Variants in HMGXB3 observed in about 807,000 individuals in gnomAD.
The protein encoded by HMGXB3 is HMG domain-containing protein 3.
Under a neutral mutation model 121.5 loss-of-function variants are expected in HMGXB3, and 45 were observed. The observed-to-expected ratio is 0.37, with a 90% CI of 0.29 to 0.47. HMGXB3 has a LOEUF of 0.47. Ranked by LOEUF, HMGXB3 falls within the 20% of genes least tolerant of loss-of-function variation. The probability of loss-of-function intolerance (pLI) is 0.99; values close to 1 mark genes in which losing one functional copy is unlikely to be tolerated. For synonymous variants in HMGXB3, 590 were observed against 624.1 expected (o/e 0.95, Z 0.81); for missense variants, 1,376 against 1,602.2 (o/e 0.86, Z 2.41).
At chr5:150,008,055 TCA>T (rs70973560) in intron 3 of HMGXB3, among the ~76,000 whole-genome samples, 53,814 of 129,486 alleles carry the variant, frequency 0.42, 10,063 homozygotes, top group South Asian at 0.48. Context: ...AGACTCTGTT[TCA>T]CACACACACA....
rs542460897 is a variant in HMGXB3 at position 150,040,764 on chromosome 5, G to A, written c.2430G>A (p.Gly810=). 8 of 1,551,976 alleles carry A rather than the reference G, an allele frequency of 5.2e-6. No homozygotes were observed. The highest frequency in any genetic ancestry group is 2.0e-5 in the Admixed American group (1 of 50,946). ...AACCTGCAGGTCTCTTTAATGTGGG[G>A]AACAAGCTGCTGGTAAGCCTGGACT... The part of the protein sequence containing the change: ...IDIYTGLFNV[G]NKLLVSLDLL... The change falls in exon 14 of 20, where the codon GGG becomes GGA. Residue 810 remains glycine (G), a synonymous_variant. Transcript: ENST00000502717.
Position 150,024,568 on chromosome 5 carries a change from C to G in HMGXB3, c.1348C>G (p.Pro450Ala). The G allele has an allele frequency of 1.3e-6, 2 of 1,551,730 alleles. No homozygotes were observed. The highest frequency in any genetic ancestry group is 1.7e-6 in the Non-Finnish European group (2 of 1,146,998). Residue 450 changes from proline to alanine, a missense_variant, in exon 7 of 20, where the codon CCT (proline) becomes GCT (alanine). Pro to Ala is a conservative substitution (Grantham distance 27). Around this residue, in one of 2 missense-constraint regions of HMGXB3, gnomAD observed 1,116 missense variants for 1,369.0 expected, o/e 0.82. Transcript: ENST00000502717. ...GCCAGTCGTCAAAAGTGGTGTGCAGCCTGAGGTCACTCTGGGGACAACTGA... is the reference window on the plus strand; with the variant it reads ...GCCAGTCGTCAAAAGTGGTGTGCAGGCTGAGGTCACTCTGGGGACAACTGA... ...KTPVVKSGVQ[P>A]EVTLGTTDND... is the part of the protein sequence containing the mutation.
At chr5:150,043,152 GAAA>G (rs1387956607) in intron 15 of HMGXB3, among the ~76,000 whole-genome samples, 1 of 151,836 alleles carries the variant, frequency 6.6e-6, no homozygotes, top group African/African-American at 2.4e-5. Context: ...AATGTATGGG[GAAA>G]AAAAAGTTGT....
At chr5:150,011,912 G>A (rs901472676) in intron 4 of HMGXB3, among the ~76,000 whole-genome samples, 20 of 151,976 alleles carry the variant, frequency 1.3e-4, no homozygotes, top group African/African-American at 3.9e-4. Context: ...GTGCCCGGCC[G>A]CCACTAGCCT....
rs1028823576 is a variant in HMGXB3 at position 150,024,458 on chromosome 5, G to A, written c.1238G>A (p.Ser413Asn). The A allele has an allele frequency of 2.6e-6, 4 of 1,551,730 alleles. No homozygotes were observed. The Admixed American group carries it at 5.9e-5, about 23-fold the overall frequency. The change falls in exon 7 of 20, where the codon AGT becomes AAT. Residue 413 changes from serine (S) to asparagine (N), a missense_variant. This residue lies in a region of HMGXB3 where 1,116 missense variants were observed against 1,369.0 expected (regional missense o/e 0.82). Transcript: ENST00000502717. Reference sequence around the variant, plus strand: ...CCTCCCAGAGAAGTAGGTGAGGAGAGTGAGTGGGAGGAAGTGATCATCTCC... The same window carrying A: ...CCTCCCAGAGAAGTAGGTGAGGAGAATGAGTGGGAGGAAGTGATCATCTCC... The part of the protein sequence containing the change: ...VAPPREVGEE[S>N]EWEEVIISDA...
intron 10 of HMGXB3, among the ~76,000 whole-genome samples, chr5:150,031,608 A>G (rs567006831): frequency 4.2e-4 from 64 of 152,394 alleles, no homozygotes; most frequent in African/African-American, 1.5e-3. Context: ...AGTATCAACC[A>G]GCAAGATGTC....
chr5:150,025,796 C>T (rs1023561942), intron 7 of HMGXB3, among the ~76,000 whole-genome samples: 6 of 151,572 alleles, frequency 4.0e-5, no homozygotes, highest in African/African-American at 1.5e-4. Flanking sequence ...TGGTCTTGAA[C>T]TCCTGGGCTC....
At chr5:150,026,620 T>G in intron 7 of HMGXB3, 86 bp from the exon 8 acceptor site, 2 of 1,186,382 alleles carry the variant, frequency 1.7e-6, no homozygotes, top group Non-Finnish European at 2.4e-6. Context: ...AATACTATCC[T>G]CTAAGAAAGC....
rs928376693 is a variant in HMGXB3, at chr5:150,045,622, A to G, written c.2887A>G (p.Met963Val). 9.0e-6 allele frequency: 14 copies of G among 1,551,674 alleles called. No individual in the cohort carries two copies. Among genetic ancestry groups the G allele is most frequent in the Non-Finnish European group, 1.2e-5 (14 of 1,147,024 alleles). The change falls in exon 16 of 20, where the codon ATG becomes GTG. Residue 963 changes from methionine (M) to valine (V), a missense_variant. Transcript: ENST00000502717. Reference sequence around the variant, plus strand: ...TATTGCCCCCTTCTTCCCACCACTCATGAGAGGAGCTGTGGTCGTCAACAC... The same window carrying G: ...TATTGCCCCCTTCTTCCCACCACTCGTGAGAGGAGCTGTGGTCGTCAACAC... The part of the protein sequence containing the change: ...SVIAPFFPPL[M>V]RGAVVVNTEK...
At chr5:150,005,773 T>A (rs1421978512) in intron 2 of HMGXB3, among the ~76,000 whole-genome samples, 2 of 152,138 alleles carry the variant, frequency 1.3e-5, no homozygotes. Flanking sequence ...TGCTTCCCTC[T>A]CTCATCCTTG....
rs928067299 is a variant in HMGXB3, at chr5:150,014,875, C to T, written c.909+2522C>T. The T allele has an allele frequency of 1.3e-4, 83 of 627,434 alleles. 1 individual carries two copies. Among genetic ancestry groups the T allele is most frequent in the Non-Finnish European group, 2.0e-4 (77 of 382,150 alleles). 38.9% of individuals were successfully genotyped at this position (627,434 alleles called of 1,614,324 possible). A position where few individuals can be genotyped will look rare whatever the true frequency, so the allele number is the denominator to read the frequency against. On this transcript the variant is annotated intron_variant, in intron 5 of 19. Coordinates refer to ENST00000502717, the MANE Select transcript of HMGXB3 (RefSeq NM_014983.3). Reference sequence around the variant, plus strand: ...TCTTCCCAAACACTGGAGCAATTTTCGGAGCTTCTGGAACCAATGTTTCTT... The same window carrying T: ...TCTTCCCAAACACTGGAGCAATTTTTGGAGCTTCTGGAACCAATGTTTCTT...
intron 10 of HMGXB3, among the ~76,000 whole-genome samples, chr5:150,031,786 G>T (rs946144753): frequency 3.9e-5 from 6 of 152,144 alleles, no homozygotes; most frequent in Non-Finnish European, 8.8e-5. Flanking sequence ...CTGTACTGGG[G>T]ATTCAGTAGC....
intron 19 of HMGXB3, 79 bp downstream of exon 19, chr5:150,050,540 G>A: frequency 6.9e-6 from 8 of 1,154,842 alleles, no homozygotes; most frequent in Non-Finnish European, 1.0e-5. Context: ...GGAGTGCAGT[G>A]GTGTTATCTC....
chr5:150,024,722 C>T, intron 7 of HMGXB3, 42 bp downstream of exon 7: 1 of 1,435,402 alleles, frequency 7.0e-7, no homozygotes, highest in Non-Finnish European at 9.3e-7. Flanking sequence ...TTGGAAATGC[C>T]CCATGTTTCT....
intron 9 of HMGXB3, among the ~76,000 whole-genome samples, chr5:150,028,063 C>T (rs1203184361): frequency 6.6e-6 from 1 of 152,050 alleles, no homozygotes; most frequent in African/African-American, 2.4e-5. Context: ...GGTCAGAGCA[C>T]AGTTTGGTTT....
intron 14 of HMGXB3, 147 bp downstream of exon 14, chr5:150,041,026 C>G: frequency 4.9e-6 from 4 of 812,256 alleles, no homozygotes; most frequent in Non-Finnish European, 7.2e-6. Flanking sequence ...TACACTCTTC[C>G]TTTTGAATTT....
At chr5:150,022,172 GA>G (rs1410256523) in intron 6 of HMGXB3, among the ~76,000 whole-genome samples, 1 of 152,154 alleles carries the variant, frequency 6.6e-6, no homozygotes, top group Admixed American at 6.5e-5. Context: ...GTGGCCCAGG[GA>G]AGCCAAAATT....
rs377085939 is a variant in HMGXB3 at position 150,051,901 on chromosome 5, A to G, written c.3588A>G (p.Glu1196=). The change falls in exon 20 of 20, where the codon GAA becomes GAG. Residue 1196 remains glutamate, a synonymous_variant. Coordinates refer to ENST00000502717, the MANE Select transcript of HMGXB3 (RefSeq NM_014983.3). The part of the protein sequence containing the change: ...AGHHSLALCP[E]LAPYATILAS... ...ACCACTCCTTGGCCCTGTGCCCTGA[A>G]TTGGCACCTTACGCAACCATCCTGG... 1.7e-5 allele frequency: 26 copies of G among 1,551,854 alleles called. No individual in the cohort carries two copies. Among genetic ancestry groups the G allele is most frequent in the Non-Finnish European group, 2.3e-5 (26 of 1,147,120 alleles).
At chr5:150,049,299 G>A (rs141847359) in intron 18 of HMGXB3, among the ~76,000 whole-genome samples, 145 of 152,310 alleles carry the variant, frequency 9.5e-4, no homozygotes, top group African/African-American at 3.1e-3. Flanking sequence ...CTTTTGGATG[G>A]TTTTGAATGG....
Sources: gnomAD v4.1 joint callset for allele counts (sites outside exome capture counted in the v4.1 genomes callset) on GRCh38, gnomAD v4.1.1 for gene constraint, gnomAD v4.1.1 regional missense constraint, MANE v1.5 for transcripts, NCBI Gene and HGNC (gene_info 2026-07-23, HGNC 2026-07-21) for gene names.